Variants in SMIM3 observed in about 807,000 individuals in gnomAD.
SMIM3 encodes small integral membrane protein 3, also known as NGF-induced differentiation clone 67 protein.
SMIM3 carries 4 observed loss-of-function variants against 2.1 expected under a neutral mutation model. The observed-to-expected ratio is 1.89, with a 90% CI of 0.93 to 4.31. SMIM3 has a LOEUF of 4.31. SMIM3 is among the 30% of genes most tolerant of loss of function. The probability of loss-of-function intolerance (pLI) is 0.01; values close to 1 mark genes in which losing one functional copy is unlikely to be tolerated. For missense variants in SMIM3, 79 were observed against 77.7 expected, an observed-to-expected ratio of 1.02 and a Z score of -0.06; for synonymous variants, 29 against 30.8, an observed-to-expected ratio of 0.94 and a Z score of 0.19.
At chr5:150,787,813 G>A (rs948619684) in intron 1 of SMIM3, among the ~76,000 whole-genome samples, 7 of 152,142 alleles carry the variant, frequency 4.6e-5, no homozygotes, top group African/African-American at 1.2e-4. Context: ...ATGCTGGCTC[G>A]TGTGATCCTG....
intron 1 of SMIM3, among the ~76,000 whole-genome samples, chr5:150,784,571 C>G (rs540703627): frequency 6.6e-6 from 1 of 152,262 alleles, no homozygotes; most frequent in East Asian, 1.9e-4. Flanking sequence ...TTTTTGGTAT[C>G]TTTAGTAATA....
intron 1 of SMIM3, among the ~76,000 whole-genome samples, chr5:150,789,559 G>C (rs1211296659): frequency 6.6e-6 from 1 of 152,276 alleles, no homozygotes; most frequent in East Asian, 1.9e-4. Flanking sequence ...GGCCCTTGGA[G>C]AACATTGCAA....
chr5:150,778,802 C>T lies in SMIM3; in HGVS notation c.-182C>T, dbSNP rs927988784. ...CGTCCTGGCCGCTCCTGCGCTCTCCCGCCTCCCGGGGCTCGGAGGAGCCGG... is the reference window on the plus strand; with the variant it reads ...CGTCCTGGCCGCTCCTGCGCTCTCCTGCCTCCCGGGGCTCGGAGGAGCCGG... On this transcript the variant is annotated 5_prime_UTR_variant, in exon 1 of 2. Transcript: ENST00000526627. The T allele has an allele frequency of 8.5e-6, 4 of 469,216 alleles. No homozygotes were observed. The highest frequency in any genetic ancestry group is 1.8e-5 in the Non-Finnish European group (4 of 226,738). 29.1% of individuals were successfully genotyped at this position (469,216 alleles called of 1,614,324 possible).
In SMIM3 at chr5:150,796,620, A is replaced by C. The variant is rs951100819; in HGVS notation, c.*997A>C. Reference sequence around the variant, plus strand: ...TCAGGAGCATCTTGGGATTTATTAAATTATGTAAGAAGATAGCACAGATAT... The same window carrying C: ...TCAGGAGCATCTTGGGATTTATTAACTTATGTAAGAAGATAGCACAGATAT... On this transcript the variant is annotated 3_prime_UTR_variant, in exon 2 of 2. Coordinates refer to ENST00000526627, the MANE Select transcript of SMIM3 (RefSeq NM_032947.5). The C allele has an allele frequency of 1.3e-5, 2 of 152,374 alleles. No homozygotes were observed. Among genetic ancestry groups the C allele is most frequent in the Non-Finnish European group, 2.9e-5 (2 of 68,056 alleles). 9.4% of individuals were successfully genotyped at this position (152,374 alleles called of 1,614,324 possible).
intron 1 of SMIM3, among the ~76,000 whole-genome samples, chr5:150,789,422 A>G (rs1753326322): frequency 6.6e-6 from 1 of 152,208 alleles, no homozygotes; most frequent in South Asian, 2.1e-4. Flanking sequence ...ATGGGGAAGA[A>G]CAGTGCAGCA....
In SMIM3 at chr5:150,795,616, C is replaced by T. The variant is rs1392120460; in HGVS notation, c.176C>T (p.Ala59Val). Residue 59 changes from alanine to valine, a missense_variant, in exon 2 of 2, where the codon GCT becomes GTT. Physicochemically the swap from Ala to Val is moderately conservative, Grantham distance 64 (BLOSUM62 0). Transcript: ENST00000526627. Reference protein sequence around the residue: ...RMRTHPILSGAV With the variant: ...RMRTHPILSGVV Reference sequence around the variant, plus strand: ...CGGACTCATCCGATCCTTAGTGGGGCTGTTTGAGAGCCTCCCAAGAGGGCC... The same window carrying T: ...CGGACTCATCCGATCCTTAGTGGGGTTGTTTGAGAGCCTCCCAAGAGGGCC... The T allele has an allele frequency of 3.9e-6, 6 of 1,546,610 alleles. No homozygotes were observed. The highest frequency in any genetic ancestry group is 4.3e-6 in the Non-Finnish European group (5 of 1,152,020).
At chr5:150,781,118 A>G (rs1013508652) in intron 1 of SMIM3, among the ~76,000 whole-genome samples, 1 of 152,142 alleles carries the variant, frequency 6.6e-6, no homozygotes, top group African/African-American at 2.4e-5. Flanking sequence ...AGAGAGAGTG[A>G]CTCACCCATG....
rs1347826581 is a variant in SMIM3 at position 150,795,975 on chromosome 5, G to C, written c.*352G>C. 1 of 261,876 alleles carries C rather than the reference G, an allele frequency of 3.8e-6. No individual in the cohort carries two copies. The highest frequency in any genetic ancestry group is 2.2e-5 in the African/African-American group (1 of 45,380). 16.2% of individuals were successfully genotyped at this position (261,876 alleles called of 1,614,324 possible). ...TCAAGAACCAGAGAACCTGATTGCTGATGATGGCCTTAAAGGTGGTGAGGG... is the reference window on the plus strand; with the variant it reads ...TCAAGAACCAGAGAACCTGATTGCTCATGATGGCCTTAAAGGTGGTGAGGG... On this transcript the variant is annotated 3_prime_UTR_variant, in exon 2 of 2. Coordinates refer to ENST00000526627, the MANE Select transcript of SMIM3 (RefSeq NM_032947.5).
At chr5:150,795,290 A>G in intron 1 of SMIM3, 140 bp from the exon 2 acceptor site, 2 of 849,818 alleles carry the variant, frequency 2.4e-6, no homozygotes, top group Non-Finnish European at 3.9e-6. Flanking sequence ...AAATGAAGCC[A>G]TTGTAATTAC....
chr5:150,784,273 C>T (rs1268871473), intron 1 of SMIM3, among the ~76,000 whole-genome samples: 5 of 152,154 alleles, frequency 3.3e-5, no homozygotes, highest in African/African-American at 4.8e-5. Flanking sequence ...CAGAGCATCC[C>T]TATGAAGTGG....
Position 150,784,005 on chromosome 5 carries a change from A to G in SMIM3, c.-12+5033A>G, listed in dbSNP as rs1272483264. ...GTGATCTTGGCTAACTGCAACCTCC[A>G]CCTCCTGGGTTCAAGCGATTTTCCT... On this transcript the variant is annotated intron_variant, in intron 1 of 1. Transcript: ENST00000526627. 1.8e-4 allele frequency among the ~76,000 whole-genome samples: 25 copies of G among 135,854 alleles called. No homozygotes were observed. In the Admixed American group the frequency reaches 2.1e-3, roughly 12 times the overall value. 89.1% of individuals were successfully genotyped at this position (135,854 alleles called of 152,430 possible). A position where few individuals can be genotyped will look rare whatever the true frequency, so the allele number is the denominator to read the frequency against.
intron 1 of SMIM3, among the ~76,000 whole-genome samples, chr5:150,785,580 C>CTTTTTTTTTTTTTTTTTTTTTTTTTTTT (rs35273478): frequency 8.8e-6 from 1 of 113,680 alleles, no homozygotes; most frequent in Non-Finnish European, 1.8e-5. Flanking sequence ...TATTTCTTTT[C>CTTTTTTTTTTTTTTTTTTTTTTTTTTTT]TTTTTTTTTT....
chr5:150,790,069 A>G (rs541974333), intron 1 of SMIM3, among the ~76,000 whole-genome samples: 1 of 152,320 alleles, frequency 6.6e-6, no homozygotes, highest in Non-Finnish European at 1.5e-5. Flanking sequence ...AGGGGCAGCG[A>G]CACGATCAGA....
At chr5:150,780,922 C>A (rs145909979) in intron 1 of SMIM3, among the ~76,000 whole-genome samples, 4 of 152,292 alleles carry the variant, frequency 2.6e-5, no homozygotes, top group Admixed American at 6.5e-5. Context: ...TGTCCTCCCC[C>A]ACCCTGACTG....
chr5:150,788,043 C>T (rs2113203392), intron 1 of SMIM3, among the ~76,000 whole-genome samples: 1 of 152,242 alleles, frequency 6.6e-6, no homozygotes, highest in East Asian at 1.9e-4. Flanking sequence ...GAAAAAGTTG[C>T]TTGCTAGAGA....
intron 1 of SMIM3, among the ~76,000 whole-genome samples, chr5:150,788,064 T>C (rs1753311172): frequency 6.6e-6 from 1 of 152,136 alleles, no homozygotes; most frequent in South Asian, 2.1e-4. Context: ...GTCTGACGAG[T>C]AGATAACACA....
Position 150,781,636 on chromosome 5 carries a change from G to A in SMIM3, c.-12+2664G>A, listed in dbSNP as rs1013444862. ...GGGGACCAGGACATAGATGTCTTTG[G>A]TGGTGGTGGTGGTGGGCATTATTCT... On this transcript the variant is annotated intron_variant, in intron 1 of 1. Transcript: ENST00000526627. Among the ~76,000 whole-genome samples the A allele has an allele frequency of 5.9e-5, 9 of 152,012 alleles. 1 individual carries two copies. The highest frequency in any genetic ancestry group is 2.0e-4 in the Admixed American group (3 of 15,278).
chr5:150,783,285 A>G (rs141490325), intron 1 of SMIM3, among the ~76,000 whole-genome samples: 1,859 of 152,332 alleles, frequency 0.012, 19 homozygotes, highest in Middle Eastern at 0.051. Flanking sequence ...TCTCTGGCTT[A>G]AATGTTCCAT....
At chr5:150,795,387 G>A (rs1319317496) in intron 1 of SMIM3, 43 bp from the exon 2 acceptor site, 3 of 1,602,254 alleles carry the variant, frequency 1.9e-6, no homozygotes, top group African/African-American at 1.3e-5. Flanking sequence ...GGGAGGCAGG[G>A]AGAGAGTACG....
Sources: allele counts gnomAD v4.1 joint callset (sites outside exome capture counted in the v4.1 genomes callset), GRCh38; gene constraint gnomAD v4.1.1; transcripts MANE v1.5; gene names NCBI Gene and HGNC (gene_info 2026-07-23, HGNC 2026-07-21).